INPP5F: variants seen among roughly 807,000 people sequenced by gnomAD.
INPP5F encodes phosphatidylinositide 4-phosphatase SAC2.
Under a neutral mutation model 137.2 loss-of-function variants are expected in INPP5F, and 97 were observed. The ratio of observed to expected loss-of-function variants is 0.71; its 90% confidence interval spans 0.60 to 0.84. INPP5F has a LOEUF of 0.84. INPP5F is among the 40% of genes least tolerant of loss of function. The pLI is 0.00. For missense variants in INPP5F, 1,271 were observed against 1,371.9 expected, an observed-to-expected ratio of 0.93 and a Z score of 1.16; for synonymous variants, 504 against 476.9, an observed-to-expected ratio of 1.06 and a Z score of -0.74.
chr10:119,778,131 C>T (rs554214833), intron 2 of INPP5F, among the ~76,000 whole-genome samples: 2 of 152,132 alleles, frequency 1.3e-5, no homozygotes, highest in Admixed American at 1.3e-4. Flanking sequence ...CTCAGCCTCC[C>T]GAGTAGCTGG....
At chr10:119,816,920 G>C (rs1335368850) in intron 15 of INPP5F, among the ~76,000 whole-genome samples, 8 of 152,154 alleles carry the variant, frequency 5.3e-5, no homozygotes, top group African/African-American at 1.9e-4. Context: ...TCAGAGTTGT[G>C]CAGCCATCAC....
Position 119,821,961 on chromosome 10 carries a change from C to T in INPP5F, c.1959-470C>T, listed in dbSNP as rs917736871. ...TCTGCTCACTGCAACCTCCGCCTCT[C>T]GGGTTCAAGTGATTCTCCTCCTGGG... On this transcript the variant is annotated intron_variant, in intron 16 of 19. Coordinates refer to ENST00000650623, the MANE Select transcript of INPP5F (RefSeq NM_014937.4). Among the ~76,000 whole-genome samples, 12 of 148,852 alleles carry T rather than the reference C, an allele frequency of 8.1e-5. No individual in the cohort carries two copies. The South Asian group carries it at 8.6e-4, about 11-fold the overall frequency.
intron 2 of INPP5F, among the ~76,000 whole-genome samples, chr10:119,767,097 T>A (rs112119918): frequency 4.5e-3 from 283 of 63,480 alleles, no homozygotes; most frequent in Non-Finnish European, 7.3e-3. Flanking sequence ...AGAGTGAGAC[T>A]CTGTCTCCAG....
At chr10:119,820,984 A>G (rs1243033173) in intron 16 of INPP5F, 67 bp downstream of exon 16, 1 of 989,904 alleles carries the variant, frequency 1.0e-6, no homozygotes, top group Non-Finnish European at 1.6e-6. Flanking sequence ...TTCTTTTTAG[A>G]ATTCGTAACA....
intron 2 of INPP5F, among the ~76,000 whole-genome samples, chr10:119,773,029 T>C (rs945604010): frequency 1.3e-5 from 2 of 152,080 alleles, no homozygotes; most frequent in African/African-American, 4.8e-5. Context: ...ATTACAGGTG[T>C]GAGCCACTGC....
chr10:119,739,455 G>A (rs940484820), intron 1 of INPP5F, among the ~76,000 whole-genome samples: 1 of 152,114 alleles, frequency 6.6e-6, no homozygotes, highest in African/African-American at 2.4e-5. Context: ...ATGAAAACAA[G>A]CAATTGGTAG....
At chr10:119,755,371 CTG>C (rs1232310705) in intron 2 of INPP5F, among the ~76,000 whole-genome samples, 1 of 152,306 alleles carries the variant, frequency 6.6e-6, no homozygotes, top group East Asian at 1.9e-4. Flanking sequence ...CCCTCTGTAA[CTG>C]TGTGTGTCTG....
chr10:119,738,662 CA>C (rs1848285711), intron 1 of INPP5F, among the ~76,000 whole-genome samples: 1 of 151,946 alleles, frequency 6.6e-6, no homozygotes, highest in Non-Finnish European at 1.5e-5. Context: ...CACACACACA[CA>C]CACACACACA....
chr10:119,811,718 A>G, intron 14 of INPP5F, 39 bp from the exon 15 acceptor site: 3 of 1,493,366 alleles, frequency 2.0e-6, no homozygotes, highest in Non-Finnish European at 2.8e-6. Flanking sequence ...ATATATTAGT[A>G]AACTAAAATG....
intron 13 of INPP5F, among the ~76,000 whole-genome samples, chr10:119,808,626 G>A (rs1589740179): frequency 6.6e-6 from 1 of 152,168 alleles, no homozygotes; most frequent in East Asian, 1.9e-4. Flanking sequence ...TTTAGTTACT[G>A]TTAAAAGTAA....
At chr10:119,740,875 T>C (rs1170229317) in intron 1 of INPP5F, among the ~76,000 whole-genome samples, 1 of 152,184 alleles carries the variant, frequency 6.6e-6, no homozygotes, top group East Asian at 1.9e-4. Flanking sequence ...ATGAAGACCC[T>C]TAAATTATGG....
At chr10:119,743,170 A>G (rs1025529040) in intron 1 of INPP5F, among the ~76,000 whole-genome samples, 4 of 152,178 alleles carry the variant, frequency 2.6e-5, no homozygotes, top group Non-Finnish European at 4.4e-5. Context: ...AAATCCTTCC[A>G]ACTTGATTCT....
In INPP5F at chr10:119,811,882, A is replaced by G. The variant is rs779135235; in HGVS notation, c.1813A>G (p.Ser605Gly). The G allele has an allele frequency of 1.2e-6, 2 of 1,614,224 alleles. No individual in the cohort carries two copies. Among genetic ancestry groups the G allele is most frequent in the South Asian group, 2.2e-5 (2 of 91,090 alleles). The change falls in exon 15 of 20, where the codon AGT (serine) becomes GGT (glycine). Residue 605 changes from serine (S) to glycine (G), a missense_variant. Coordinates refer to ENST00000650623, the MANE Select transcript of INPP5F (RefSeq NM_014937.4). ...GGAACTAATTAGCCAGCTCTTACAA[A>G]GTTACATGAAGTTACTACTGCCTGA... ...HQELISQLLQ[S>G]YMKLLLPDDE...
chr10:119,741,330 GA>G (rs1283349636), intron 1 of INPP5F, among the ~76,000 whole-genome samples: 1 of 152,124 alleles, frequency 6.6e-6, no homozygotes, highest in Non-Finnish European at 1.5e-5. Context: ...AGCGGCTCCT[GA>G]ATTTACTACC....
At chr10:119,760,333 G>A (rs2095503997) in intron 2 of INPP5F, among the ~76,000 whole-genome samples, 1 of 152,162 alleles carries the variant, frequency 6.6e-6, no homozygotes, top group Admixed American at 6.5e-5. Context: ...CAGCTACTTG[G>A]GAGGCTGAAG....
chr10:119,751,055 C>T, intron 1 of INPP5F, 21 bp from the exon 2 acceptor site: 1 of 1,476,952 alleles, frequency 6.8e-7, no homozygotes, highest in Non-Finnish European at 9.5e-7. Flanking sequence ...TTTCTCATCA[C>T]TGCTTCCTAT....
chr10:119,767,862 C>T (rs763874869), intron 2 of INPP5F, among the ~76,000 whole-genome samples: 1 of 152,170 alleles, frequency 6.6e-6, no homozygotes, highest in African/African-American at 2.4e-5. Flanking sequence ...TTGTATGCAT[C>T]TAAGTATAAC....
At chr10:119,778,218 G>T (rs1200720443) in intron 2 of INPP5F, among the ~76,000 whole-genome samples, 1 of 152,068 alleles carries the variant, frequency 6.6e-6, no homozygotes, top group African/African-American at 2.4e-5. Context: ...ATGTTGGCCA[G>T]GCTGGTCTTG....
intron 9 of INPP5F, among the ~76,000 whole-genome samples, chr10:119,801,333 T>A (rs1457061461): frequency 6.6e-6 from 1 of 152,246 alleles, no homozygotes; most frequent in Non-Finnish European, 1.5e-5. Context: ...TTGGTTCTCT[T>A]CCATTTATTC....
Sources: allele counts gnomAD v4.1 joint callset (sites outside exome capture counted in the v4.1 genomes callset), GRCh38; gene constraint gnomAD v4.1.1; transcripts MANE v1.5; gene names NCBI Gene and HGNC (gene_info 2026-07-23, HGNC 2026-07-21).